TP53BP2: variants seen among roughly 807,000 people sequenced by gnomAD.
The protein encoded by TP53BP2 is tumor protein p53 binding protein 2.
Under a neutral mutation model 126.2 loss-of-function variants are expected in TP53BP2, and 62 were observed. The observed-to-expected ratio is 0.49, with a 90% CI of 0.40 to 0.61. The LOEUF (loss-of-function observed/expected upper bound fraction) is 0.61, where lower values mean the gene tolerates loss of function less well. TP53BP2 is among the 20% of genes least tolerant of loss of function. The probability of loss-of-function intolerance (pLI) is 0.00; values close to 1 mark genes in which losing one functional copy is unlikely to be tolerated. For missense variants in TP53BP2, 1,215 were observed against 1,402.8 expected, an observed-to-expected ratio of 0.87 and a Z score of 2.14; for synonymous variants, 485 against 502.9, an observed-to-expected ratio of 0.96 and a Z score of 0.48.
At chr1:223,840,018 A>T (rs932724040) in intron 1 of TP53BP2, among the ~76,000 whole-genome samples, 6 of 152,258 alleles carry the variant, frequency 3.9e-5, no homozygotes, top group African/African-American at 1.4e-4. Flanking sequence ...TTCGATTATC[A>T]TCCAAATAAA....
At chr1:223,817,785 G>A (rs1663139700) in intron 2 of TP53BP2, among the ~76,000 whole-genome samples, 1 of 151,922 alleles carries the variant, frequency 6.6e-6, no homozygotes, top group Admixed American at 6.6e-5. Context: ...AATTAGCTGG[G>A]CGTGGTGGTG....
Position 223,795,880 on chromosome 1 carries a change from C to T in TP53BP2, c.2659G>A (p.Gly887Arg), listed in dbSNP as rs201023376. ...PPPYPSGEPE[G>R]PGEDSVSMRP... is the part of the protein sequence containing the mutation. Reference sequence around the variant, plus strand: ...ATGCTCACCGAGTCTTCTCCGGGCCCTTCAGGCTCCCCAGATGGGTATGGT... The same window carrying T: ...ATGCTCACCGAGTCTTCTCCGGGCCTTTCAGGCTCCCCAGATGGGTATGGT... Residue 887 changes from glycine (G) to arginine (R), a missense_variant, in exon 13 of 18, where the codon GGG becomes AGG. Coordinates refer to ENST00000343537, the MANE Select transcript of TP53BP2 (RefSeq NM_001031685.3). The T allele has an allele frequency of 3.7e-4, 595 of 1,603,538 alleles. 3 individuals are homozygous for T. The highest frequency in any genetic ancestry group is 1.7e-4 in the Middle Eastern group (1 of 5,982).
At chr1:223,819,513 T>C (rs555989650) in intron 2 of TP53BP2, among the ~76,000 whole-genome samples, 170 of 151,880 alleles carry the variant, frequency 1.1e-3, no homozygotes, top group Non-Finnish European at 2.1e-3. Context: ...GGTGAAACCC[T>C]GTCTCTACTA....
intron 9 of TP53BP2, chr1:223,801,825 C>T (rs1204315343): frequency 8.9e-6 from 2 of 225,730 alleles, no homozygotes; most frequent in Admixed American, 1.0e-4. Context: ...TCAAAATTTC[C>T]TTAGTAACAA....
At chr1:223,804,121 A>G in intron 6 of TP53BP2, 53 bp downstream of exon 6, 1 of 1,563,196 alleles carries the variant, frequency 6.4e-7, no homozygotes, top group Non-Finnish European at 8.6e-7. Context: ...CCTGTCTCAA[A>G]AAAACCAGAC....
chr1:223,784,471 T>C (rs1455965262), intron 16 of TP53BP2, among the ~76,000 whole-genome samples, 157 bp from the exon 17 acceptor site: 3 of 151,992 alleles, frequency 2.0e-5, no homozygotes, highest in South Asian at 2.1e-4. Context: ...AGGTGGGGGG[T>C]AGCATGCAGT....
At chr1:223,810,594 C>A in intron 3 of TP53BP2, 81 bp from the exon 4 acceptor site, 1 of 954,236 alleles carries the variant, frequency 1.0e-6, no homozygotes, top group South Asian at 1.8e-5. Flanking sequence ...TGAGTTCTGT[C>A]ATTACTGTTT....
chr1:223,805,773 G>A (rs1662693297), intron 5 of TP53BP2, among the ~76,000 whole-genome samples: 1 of 152,180 alleles, frequency 6.6e-6, no homozygotes, highest in Admixed American at 6.5e-5. Flanking sequence ...ATAGTCTGCA[G>A]GCCAAATCCA....
intron 1 of TP53BP2, among the ~76,000 whole-genome samples, chr1:223,838,144 T>C (rs1663983973): frequency 6.6e-6 from 1 of 152,162 alleles, no homozygotes; most frequent in African/African-American, 2.4e-5. Context: ...CATTTAACTC[T>C]CATGTTTTTC....
intron 3 of TP53BP2, 111 bp downstream of exon 3, chr1:223,814,129 A>C: frequency 1.4e-6 from 1 of 740,332 alleles, no homozygotes; most frequent in Non-Finnish European, 2.3e-6. Flanking sequence ...TCCACTTCCT[A>C]ACCTCTCCTT....
intron 15 of TP53BP2, among the ~76,000 whole-genome samples, chr1:223,791,224 C>T (rs568632500): frequency 4.0e-4 from 60 of 151,676 alleles, no homozygotes; most frequent in African/African-American, 1.2e-3. Context: ...TCCAGGAGTT[C>T]GAGACCAACC....
chr1:223,844,161 T>C (rs1242668338), intron 1 of TP53BP2, among the ~76,000 whole-genome samples: 1 of 152,180 alleles, frequency 6.6e-6, no homozygotes, highest in Non-Finnish European at 1.5e-5. Context: ...GTAAGTGCCA[T>C]CATACCACAC....
chr1:223,806,466 G>C (rs1662721148), intron 5 of TP53BP2, among the ~76,000 whole-genome samples: 1 of 152,168 alleles, frequency 6.6e-6, no homozygotes, highest in African/African-American at 2.4e-5. Flanking sequence ...TTGGCTTAAT[G>C]GGGGTAGAAT....
chr1:223,789,208 T>G lies in TP53BP2; in HGVS notation c.2997-34A>C, dbSNP rs368593230. The G allele has an allele frequency of 2.0e-5, 32 of 1,609,304 alleles. No homozygotes were observed. The African/African-American group carries it at 4.0e-4, about 20-fold the overall frequency. ...CAAGATACGAGGGCTAGAACTGTTT[T>G]CCTAAACTGAATGACACCTGCTGAT... On this transcript the variant is annotated intron_variant, in intron 15 of 17. Transcript: ENST00000343537.
At chr1:223,800,286 C>T (rs1441110584) in intron 10 of TP53BP2, among the ~76,000 whole-genome samples, 7 of 152,068 alleles carry the variant, frequency 4.6e-5, no homozygotes, top group Non-Finnish European at 8.8e-5. Flanking sequence ...ATTGTTAACA[C>T]ACTAGAAAAT....
chr1:223,835,905 A>G (rs941064773), intron 1 of TP53BP2, among the ~76,000 whole-genome samples: 1 of 152,148 alleles, frequency 6.6e-6, no homozygotes, highest in Non-Finnish European at 1.5e-5. Context: ...TTTGAAGTCC[A>G]GTGAGAACAG....
At chr1:223,803,153 C>T in intron 7 of TP53BP2, 118 bp downstream of exon 7, 2 of 1,281,700 alleles carry the variant, frequency 1.6e-6, no homozygotes, top group Non-Finnish European at 2.1e-6. Context: ...GTTCCCCCCA[C>T]AACCTGCCTT....
intron 2 of TP53BP2, chr1:223,820,954 T>C: frequency 2.0e-6 from 1 of 500,344 alleles, no homozygotes; most frequent in South Asian, 2.3e-5. Flanking sequence ...ACAAAGACAC[T>C]GTTGAGCACC....
chr1:223,831,760 TA>T (rs11327599), intron 1 of TP53BP2, among the ~76,000 whole-genome samples: 15,134 of 121,544 alleles, frequency 0.12, 877 homozygotes, highest in African/African-American at 0.18. Context: ...GAAGGAAAGA[TA>T]AAAAAAAAAA....
Sources: allele counts gnomAD v4.1 joint callset (sites outside exome capture counted in the v4.1 genomes callset), GRCh38; gene constraint gnomAD v4.1.1; transcripts MANE v1.5; gene names NCBI Gene and HGNC (gene_info 2026-07-23, HGNC 2026-07-21).